Variants in DLC1 observed in about 807,000 individuals in gnomAD.
DLC1 encodes the protein rho GTPase-activating protein 7.
In DLC1, 54 loss-of-function variants were observed where a neutral mutation model predicts 140.3. That is an observed-to-expected ratio of 0.38 (90% CI 0.31 to 0.48). DLC1 has a LOEUF of 0.48. DLC1 is among the 20% of genes least tolerant of loss of function. The probability of loss-of-function intolerance (pLI) is 0.96; values close to 1 mark genes in which losing one functional copy is unlikely to be tolerated. For missense variants in DLC1, 2,536 were observed against 1,907.0 expected (o/e 1.33, Z -6.14); for synonymous variants, 986 against 728.1 (o/e 1.35, Z -5.70).
chr8:13,257,428 C>A (rs1001143108), intron 5 of DLC1, among the ~76,000 whole-genome samples: 1 of 127,330 alleles, frequency 7.9e-6, no homozygotes, highest in Non-Finnish European at 1.6e-5. Flanking sequence ...CAGAGCAATA[C>A]CCTGTCTCAG....
intron 1 of DLC1, among the ~76,000 whole-genome samples, chr8:13,546,862 A>G (rs1450265027): frequency 6.6e-6 from 1 of 152,148 alleles, no homozygotes. Context: ...AGAATGCTGT[A>G]TATTGTTAAA....
intron 1 of DLC1, among the ~76,000 whole-genome samples, chr8:13,576,046 A>T (rs966224334): frequency 3.3e-5 from 5 of 152,190 alleles, no homozygotes; most frequent in African/African-American, 1.2e-4. Flanking sequence ...GCATAGATGG[A>T]GCCAATTGTT....
At chr8:13,329,451 G>T (rs1427825346) in intron 4 of DLC1, among the ~76,000 whole-genome samples, 1 of 152,128 alleles carries the variant, frequency 6.6e-6, no homozygotes, top group Admixed American at 6.5e-5. Flanking sequence ...GTCATCCCCA[G>T]ACTGGTTTAA....
chr8:13,178,984 C>T (rs569130424), intron 5 of DLC1, among the ~76,000 whole-genome samples: 5 of 152,114 alleles, frequency 3.3e-5, no homozygotes, highest in Non-Finnish European at 5.9e-5. Context: ...ATGCTCATTT[C>T]AGCATTATCT....
chr8:13,262,885 C>T (rs1301326699), intron 5 of DLC1, among the ~76,000 whole-genome samples: 3 of 152,158 alleles, frequency 2.0e-5, no homozygotes, highest in Admixed American at 1.3e-4. Context: ...ACAGAATAAC[C>T]ATCACTAGTT....
chr8:13,141,643 T>C (rs927039156), intron 5 of DLC1, among the ~76,000 whole-genome samples: 4 of 152,156 alleles, frequency 2.6e-5, no homozygotes, highest in Non-Finnish European at 5.9e-5. Flanking sequence ...TAAAGCACAG[T>C]TCCCTTTCTT....
intron 5 of DLC1, among the ~76,000 whole-genome samples, chr8:13,287,894 AG>A (rs1216165330): frequency 4.7e-5 from 7 of 150,516 alleles, no homozygotes; most frequent in Non-Finnish European, 1.0e-4. Flanking sequence ...TTTTTTTTTT[AG>A]GAAATAGAAT....
intron 4 of DLC1, among the ~76,000 whole-genome samples, chr8:13,387,936 G>A (rs1303262417): frequency 6.6e-6 from 1 of 152,016 alleles, no homozygotes; most frequent in Admixed American, 6.6e-5. Flanking sequence ...ATGGGGATTT[G>A]CACAGTCTTT....
chr8:13,250,253 G>C lies in DLC1; in HGVS notation c.1348+55016C>G, dbSNP rs577732438. 2.4e-4 allele frequency among the ~76,000 whole-genome samples: 37 copies of C among 152,160 alleles called. No individual in the cohort carries two copies. The South Asian group carries it at 6.9e-3, about 28-fold the overall frequency. On this transcript the variant is annotated intron_variant, in intron 5 of 17. Transcript: ENST00000276297. ...TTGATTACTTTTTAACCAACATACT[G>C]CTGCTTTCTGATAGAACAATATTGT...
intron 5 of DLC1, among the ~76,000 whole-genome samples, chr8:13,149,808 T>G (rs1823679753): frequency 6.6e-6 from 1 of 152,224 alleles, no homozygotes; most frequent in Non-Finnish European, 1.5e-5. Context: ...AACAGGTGAT[T>G]GTGAGACCAA....
At chr8:13,601,512 C>T (rs901941861) in intron 1 of DLC1, among the ~76,000 whole-genome samples, 7 of 151,648 alleles carry the variant, frequency 4.6e-5, no homozygotes, top group Admixed American at 3.3e-4. Context: ...CTGGAAACAT[C>T]ATTGCTATCA....
chr8:13,597,540 T>C (rs1489984763), intron 1 of DLC1, among the ~76,000 whole-genome samples: 1 of 152,056 alleles, frequency 6.6e-6, no homozygotes, highest in Non-Finnish European at 1.5e-5. Context: ...AAATTAAAGC[T>C]AGCAAGTCTT....
chr8:13,559,704 T>C (rs1173622809), intron 1 of DLC1, among the ~76,000 whole-genome samples: 2 of 152,222 alleles, frequency 1.3e-5, no homozygotes, highest in Non-Finnish European at 2.9e-5. Context: ...TGAATTCCAA[T>C]TCTGTCATCT....
chr8:13,346,516 G>T (rs1017299746), intron 4 of DLC1, among the ~76,000 whole-genome samples: 2 of 152,194 alleles, frequency 1.3e-5, no homozygotes, highest in African/African-American at 4.8e-5. Flanking sequence ...TGCCAAGTCT[G>T]TTCACAAAGT....
chr8:13,491,522 AAC>A (rs1284028890), intron 2 of DLC1, among the ~76,000 whole-genome samples: 1 of 152,214 alleles, frequency 6.6e-6, no homozygotes, highest in African/African-American at 2.4e-5. Context: ...TGGATATTCT[AAC>A]AGTTTCCTTT....
intron 1 of DLC1, among the ~76,000 whole-genome samples, chr8:13,554,345 C>T (rs141067260): frequency 2.6e-5 from 4 of 152,216 alleles, no homozygotes; most frequent in East Asian, 1.9e-4. Context: ...GGATTACGCG[C>T]GTGAGCCACT....
At chr8:13,468,260 TCTTAC>T (rs770483142) in intron 2 of DLC1, among the ~76,000 whole-genome samples, 92 of 152,230 alleles carry the variant, frequency 6.0e-4, no homozygotes, top group Non-Finnish European at 1.1e-3. Flanking sequence ...CATCGTATTC[TCTTAC>T]CTTCTTAATC....
Position 13,406,181 on chromosome 8 carries a change from G to GTTTTTTTTTTTTTTTTT in DLC1, c.1024-4579_1024-4563dup, listed in dbSNP as rs77753653. On this transcript the variant is annotated intron_variant, in intron 2 of 17. Coordinates refer to ENST00000276297, the MANE Select transcript of DLC1 (RefSeq NM_182643.3). The stretch of plus-strand genomic sequence containing the variant: ...GCCACCATCCCCAGCTAATTTTTGT[G>GTTTTTTTTTTTTTTTTT]TTTTTTTTTTTTTTTTTCAGTGGAG... Among the ~76,000 whole-genome samples the GTTTTTTTTTTTTTTTTT allele has an allele frequency of 1.2e-4, 10 of 84,958 alleles. 1 individual carries two copies. The highest frequency in any genetic ancestry group is 5.0e-4 in the South Asian group (1 of 2,002). The allele number at this position is 84,958 out of a possible 152,430, so 55.7% of individuals were successfully genotyped here.
intron 1 of DLC1, among the ~76,000 whole-genome samples, chr8:13,588,973 C>T (rs959181749): frequency 5.3e-5 from 8 of 152,092 alleles, no homozygotes; most frequent in African/African-American, 1.9e-4. Flanking sequence ...AGATTGCCCT[C>T]ACATTCCTAT....
Sources: allele counts gnomAD v4.1 joint callset (sites outside exome capture counted in the v4.1 genomes callset), GRCh38; gene constraint gnomAD v4.1.1; transcripts MANE v1.5; gene names NCBI Gene and HGNC (gene_info 2026-07-23, HGNC 2026-07-21).